STK38L: variants seen among roughly 807,000 people sequenced by gnomAD.
STK38L encodes the protein serine/threonine-protein kinase 38-like.
A neutral mutation model predicts 59.7 loss-of-function variants in STK38L; 28 were observed. The observed-to-expected ratio is 0.47, with a 90% CI of 0.35 to 0.64. The LOEUF is 0.64. STK38L is among the 30% of genes least tolerant of loss of function. STK38L has a pLI of 0.01. For missense variants in STK38L, 314 were observed against 555.8 expected (o/e 0.56, Z 4.37); for synonymous variants, 162 against 176.8 (o/e 0.92, Z 0.66).
chr12:27,275,162 G>A (rs1425331200), intron 1 of STK38L, among the ~76,000 whole-genome samples: 1 of 151,894 alleles, frequency 6.6e-6, no homozygotes, highest in Non-Finnish European at 1.5e-5. Context: ...CTACTTTCCT[G>A]TCCTCCCTCA....
chr12:27,317,374 A>G lies in STK38L; in HGVS notation c.876A>G (p.Pro292=), dbSNP rs1944611367. The part of the protein sequence containing the change: ...STVGTPDYIA[P]EVFMQTGYNK... ...TTGGGACACCAGATTACATTGCTCC[A>G]GAAGTATTCATGCAGACTGGTTACA... The change falls in exon 10 of 14, where the codon CCA becomes CCG. Residue 292 remains proline, a synonymous_variant. Transcript: ENST00000389032. 6.2e-7 allele frequency: 1 copy of G among 1,613,446 alleles called. No homozygotes were observed. The highest frequency in any genetic ancestry group is 1.1e-5 in the South Asian group (1 of 90,906).
chr12:27,314,863 AATC>A (rs1944547609), intron 7 of STK38L, 149 bp from the exon 8 acceptor site: 2 of 852,622 alleles, frequency 2.3e-6, no homozygotes, highest in Admixed American at 3.2e-5. Context: ...TACTTTTAAA[AATC>A]ATCATCAGAT....
intron 1 of STK38L, among the ~76,000 whole-genome samples, chr12:27,250,752 G>GC (rs1359622883): frequency 1.3e-5 from 2 of 152,072 alleles, no homozygotes; most frequent in African/African-American, 2.4e-5. Context: ...TGTAATCCCA[G>GC]CACTTTGGGA....
intron 1 of STK38L, among the ~76,000 whole-genome samples, chr12:27,281,448 C>T (rs1421876106): frequency 6.6e-6 from 1 of 152,192 alleles, no homozygotes; most frequent in African/African-American, 2.4e-5. Flanking sequence ...AGAACAACAG[C>T]TCTAGAGTGA....
intron 11 of STK38L, among the ~76,000 whole-genome samples, chr12:27,318,272 T>C (rs1944635922): frequency 6.6e-6 from 1 of 152,268 alleles, no homozygotes; most frequent in Non-Finnish European, 1.5e-5. Flanking sequence ...GTCACTTCTG[T>C]TAGAATGCAA....
chr12:27,312,551 G>A lies in STK38L; in HGVS notation c.396G>A (p.Val132=), dbSNP rs1456599271. ...TTTTCAAAAATATATTCATCTAGGT[G>A]GCCCATATCCGAGCAGAAAGAGATA... ...RKSDMLEKEQ[V]AHIRAERDIL... Residue 132 remains valine (V), a splice_region_variant and synonymous_variant, in exon 6 of 14, where the codon GTG becomes GTA. Transcript: ENST00000389032. 2 of 1,612,592 alleles carry A rather than the reference G, an allele frequency of 1.2e-6. No individual in the cohort carries two copies. Among genetic ancestry groups the A allele is most frequent in the Admixed American group, 1.7e-5 (1 of 59,664 alleles).
rs1396776366 is a variant in STK38L, at chr12:27,323,989, T to A, written c.*1534T>A. 5 of 151,980 alleles carry A rather than the reference T, an allele frequency of 3.3e-5. No homozygotes were observed. 9.4% of individuals were successfully genotyped at this position (151,980 alleles called of 1,614,324 possible). ...AATGATCTATGATCAAAATCTAAAG[T>A]GATGAATTATTTGTAGGAATGTCTT... On this transcript the variant is annotated 3_prime_UTR_variant, in exon 14 of 14. Transcript: ENST00000389032.
intron 12 of STK38L, among the ~76,000 whole-genome samples, 162 bp downstream of exon 12, chr12:27,319,585 G>T (rs2136652955): frequency 6.6e-6 from 1 of 152,286 alleles, no homozygotes; most frequent in East Asian, 1.9e-4. Context: ...GACTATTGTG[G>T]CTACAGCTTG....
chr12:27,309,159 A>C lies in STK38L; in HGVS notation c.355A>C (p.Lys119Gln), dbSNP rs1307830246. ...AGATACAGGCCATATCTATGCAATG[A>C]AGATATTGAGAAAGTCTGATATGCT... ...KKDTGHIYAM[K>Q]ILRKSDMLEK... The change falls in exon 5 of 14, where the codon AAG becomes CAG. Residue 119 changes from lysine (K) to glutamine (Q), a missense_variant. By Grantham distance (53) the Lys-to-Gln change is moderately conservative. Coordinates refer to ENST00000389032, the MANE Select transcript of STK38L (RefSeq NM_015000.4). The C allele has an allele frequency of 6.2e-7, 1 of 1,603,902 alleles. No homozygotes were observed. The highest frequency in any genetic ancestry group is 8.5e-7 in the Non-Finnish European group (1 of 1,175,176).
At chr12:27,280,346 G>A (rs983533608) in intron 1 of STK38L, among the ~76,000 whole-genome samples, 4 of 152,138 alleles carry the variant, frequency 2.6e-5, no homozygotes, top group Non-Finnish European at 5.9e-5. Context: ...GAGAAATTGA[G>A]CAAGTTACTT....
At chr12:27,266,530 C>T (rs747898090) in intron 1 of STK38L, among the ~76,000 whole-genome samples, 1 of 152,108 alleles carries the variant, frequency 6.6e-6, no homozygotes, top group Non-Finnish European at 1.5e-5. Flanking sequence ...TTTTTTGTTG[C>T]ACTTTTAAGC....
chr12:27,280,171 T>C (rs1943623198), intron 1 of STK38L, among the ~76,000 whole-genome samples: 1 of 152,154 alleles, frequency 6.6e-6, no homozygotes, highest in South Asian at 2.1e-4. Flanking sequence ...AGATATATAG[T>C]AGTCATGAAC....
rs924216667 is a variant in STK38L, at chr12:27,308,589, C to T, written c.309+128C>T. 2.9e-5 allele frequency: 29 copies of T among 1,006,470 alleles called. No individual in the cohort carries two copies. The highest frequency in any genetic ancestry group is 2.8e-5 in the Non-Finnish European group (22 of 790,370). 62.3% of individuals were successfully genotyped at this position (1,006,470 alleles called of 1,614,324 possible). On this transcript the variant is annotated intron_variant, in intron 4 of 13. Transcript: ENST00000389032. This position sits in a 1 kb window ranked among gnomAD's most constrained non-coding sequence, Gnocchi z 4.5. ...CCTGTAATCCCAATACTTTGGGAGG[C>T]CGAGGCGGGTGGATCGCCTGAGGTC... is the stretch of plus-strand genomic sequence containing the variant.
rs1944395060 is a variant in STK38L at position 27,308,963 on chromosome 12, AAT to A, written c.310-145_310-144del. 1 of 153,826 alleles carries A rather than the reference AAT, an allele frequency of 6.5e-6. No homozygotes were observed. Among genetic ancestry groups the A allele is most frequent in the Non-Finnish European group, 1.4e-5 (1 of 71,914 alleles). 9.5% of individuals were successfully genotyped at this position (153,826 alleles called of 1,614,324 possible). ...TAAATATATATATAACATATATAAA[AAT>A]ATATAGATATAAAAATATATAGATA... On this transcript the variant is annotated intron_variant, in intron 4 of 13. Coordinates refer to ENST00000389032, the MANE Select transcript of STK38L (RefSeq NM_015000.4). The surrounding 1 kb of genome is among the most constrained non-coding windows in gnomAD (Gnocchi z 4.5).
chr12:27,294,566 T>C (rs1943968249), intron 1 of STK38L, among the ~76,000 whole-genome samples: 1 of 151,918 alleles, frequency 6.6e-6, no homozygotes, highest in Non-Finnish European at 1.5e-5. Context: ...TAACTTTGTG[T>C]AGTCTGGGTT....
intron 5 of STK38L, among the ~76,000 whole-genome samples, chr12:27,309,952 C>T (rs1170099010): frequency 2.0e-5 from 3 of 152,150 alleles, no homozygotes; most frequent in Admixed American, 1.3e-4. Flanking sequence ...AATGCAGTTA[C>T]AAGGGGTGGC....
At chr12:27,310,711 A>C (rs1179799013) in intron 5 of STK38L, among the ~76,000 whole-genome samples, 1 of 152,214 alleles carries the variant, frequency 6.6e-6, no homozygotes, top group Non-Finnish European at 1.5e-5. Context: ...AATTACATAC[A>C]TGACTTGTGT....
chr12:27,315,205 C>T (rs764789522), intron 8 of STK38L, 84 bp from the exon 9 acceptor site: 1 of 1,568,388 alleles, frequency 6.4e-7, no homozygotes, highest in Non-Finnish European at 8.8e-7. Flanking sequence ...CTCCTTAATC[C>T]ACTGTGTTTT....
intron 11 of STK38L, 97 bp from the exon 12 acceptor site, chr12:27,319,231 C>CAT (rs1457287408): frequency 1.4e-6 from 1 of 739,830 alleles, no homozygotes; most frequent in African/African-American, 1.8e-5. Context: ...AAAAGAAAAA[C>CAT]ATTATATTTC....
Sources: allele counts gnomAD v4.1 joint callset (sites outside exome capture counted in the v4.1 genomes callset), GRCh38; gene constraint gnomAD v4.1.1; non-coding constraint Gnocchi (gnomAD v3.1); transcripts MANE v1.5; gene names NCBI Gene and HGNC (gene_info 2026-07-23, HGNC 2026-07-21).